Variants in SNX2 observed in about 807,000 individuals in gnomAD.
SNX2 encodes sorting nexin 2.
SNX2 carries 25 observed loss-of-function variants against 69.9 expected under a neutral mutation model. That is an observed-to-expected ratio of 0.36 (90% confidence interval 0.26 to 0.50). SNX2 has a LOEUF of 0.50. SNX2 is among the 20% of genes least tolerant of loss of function. The pLI, the probability that SNX2 is intolerant of heterozygous loss-of-function variation, is 0.97. For missense variants in SNX2, 551 were observed against 613.3 expected (o/e 0.90, Z 1.07); for synonymous variants, 229 against 200.4 (o/e 1.14, Z -1.20).
chr5:122,811,636 C>T (rs1197037725), intron 7 of SNX2, among the ~76,000 whole-genome samples: 2 of 151,910 alleles, frequency 1.3e-5, no homozygotes, highest in African/African-American at 4.8e-5. Flanking sequence ...TCAAGACCAT[C>T]CTGGCCAACA....
At chr5:122,817,749 TA>T (rs1043076977) in intron 10 of SNX2, among the ~76,000 whole-genome samples, 6 of 152,202 alleles carry the variant, frequency 3.9e-5, no homozygotes, top group African/African-American at 1.2e-4. Context: ...TTGATTATAA[TA>T]AAAAAACTTG....
At chr5:122,784,335 G>GT (rs564640383) in intron 1 of SNX2, among the ~76,000 whole-genome samples, 20 of 150,734 alleles carry the variant, frequency 1.3e-4, no homozygotes, top group African/African-American at 4.1e-4. Flanking sequence ...TATCTGTAAG[G>GT]TTTTTTGTTT....
At chr5:122,786,431 CTTTATG>C (rs1753090627) in intron 1 of SNX2, among the ~76,000 whole-genome samples, 1 of 151,688 alleles carries the variant, frequency 6.6e-6, no homozygotes, top group Non-Finnish European at 1.5e-5. Context: ...TTGTGGATTA[CTTTATG>C]TTTATTAGTA....
chr5:122,801,605 TAA>T (rs34058769), intron 3 of SNX2, among the ~76,000 whole-genome samples: 118 of 123,656 alleles, frequency 9.5e-4, no homozygotes, highest in Middle Eastern at 4.4e-3. Context: ...ACTCTATCTT[TAA>T]AAAAAAAAAA....
chr5:122,809,441 A>G (rs540062958), intron 7 of SNX2, among the ~76,000 whole-genome samples: 87 of 152,352 alleles, frequency 5.7e-4, no homozygotes, highest in African/African-American at 2.0e-3. Flanking sequence ...AAAGGGGGAC[A>G]GATGGGAGGA....
At position 122,829,730 on chromosome 5, in the gene SNX2, CTAAA is replaced by C; in HGVS notation, c.*87_*90del. The C allele has an allele frequency of 1.9e-6, 2 of 1,030,450 alleles. No homozygotes were observed. The highest frequency in any genetic ancestry group is 2.1e-4 in the Middle Eastern group (1 of 4,824). The allele number at this position is 1,030,450 out of a possible 1,614,324, so 63.8% of individuals were successfully genotyped here. A position where few individuals can be genotyped will look rare whatever the true frequency, so the allele number is the denominator to read the frequency against. On this transcript the variant is annotated 3_prime_UTR_variant, in exon 15 of 15. Coordinates refer to ENST00000379516, the MANE Select transcript of SNX2 (RefSeq NM_003100.4). Reference sequence around the variant, plus strand: ...CCACAGTGAAATCATTTAAAACCATCTAAATAAACCACTATATATTTTATGAATT... The same window carrying C: ...CCACAGTGAAATCATTTAAAACCATCTAAACCACTATATATTTTATGAATT...
At chr5:122,826,236 G>T in intron 12 of SNX2, 43 bp downstream of exon 12, 1 of 1,559,276 alleles carries the variant, frequency 6.4e-7, no homozygotes, top group African/African-American at 1.4e-5. Context: ...AGTTTTGCAT[G>T]AGTCATTCAT....
At chr5:122,825,487 A>T (rs1365566237) in intron 11 of SNX2, among the ~76,000 whole-genome samples, 1 of 152,046 alleles carries the variant, frequency 6.6e-6, no homozygotes, top group Non-Finnish European at 1.5e-5. Flanking sequence ...AAATATATAT[A>T]GTCCTCTTCA....
At position 122,829,663 on chromosome 5, in the gene SNX2, C is replaced by T. The variant is rs1326537264; in HGVS notation, c.*15C>T. The T allele has an allele frequency of 6.2e-7, 1 of 1,609,428 alleles. No homozygotes were observed. Among genetic ancestry groups the T allele is most frequent in the Admixed American group, 1.7e-5 (1 of 59,960 alleles). On this transcript the variant is annotated 3_prime_UTR_variant, in exon 15 of 15. Coordinates refer to ENST00000379516, the MANE Select transcript of SNX2 (RefSeq NM_003100.4). ...CCATTGCCTAGCAATAAGATTGTTG[C>T]CGTTAAGAAGACCTTGGATGTTGTT... is the stretch of plus-strand genomic sequence containing the variant.
intron 6 of SNX2, among the ~76,000 whole-genome samples, chr5:122,804,557 C>T (rs1485463901): frequency 2.6e-5 from 4 of 151,918 alleles, no homozygotes; most frequent in African/African-American, 4.8e-5. Flanking sequence ...TTAGTATAGA[C>T]GGGGTTTCAC....
intron 11 of SNX2, among the ~76,000 whole-genome samples, chr5:122,820,169 G>A (rs968760701): frequency 6.6e-6 from 1 of 152,152 alleles, no homozygotes; most frequent in African/African-American, 2.4e-5. Flanking sequence ...AATAGCATGA[G>A]ACCTGTTGTA....
chr5:122,804,816 T>G (rs1753599935), intron 6 of SNX2, among the ~76,000 whole-genome samples: 1 of 152,220 alleles, frequency 6.6e-6, no homozygotes. Context: ...GTCATAGGTT[T>G]TTATTTACCT....
Position 122,801,652 on chromosome 5 carries a change from C to CGTGTGTGTGTGTGTGTGT in SNX2, c.391-196_391-179dup, listed in dbSNP as rs61189602. Among the ~76,000 whole-genome samples, 241 of 132,114 alleles carry CGTGTGTGTGTGTGTGTGT rather than the reference C, an allele frequency of 1.8e-3. 2 individuals carry two copies. Among genetic ancestry groups the CGTGTGTGTGTGTGTGTGT allele is most frequent in the African/African-American group, 6.0e-3 (201 of 33,644 alleles). 86.7% of individuals were successfully genotyped at this position (132,114 alleles called of 152,430 possible). On this transcript the variant is annotated intron_variant, in intron 3 of 14. Coordinates refer to ENST00000379516, the MANE Select transcript of SNX2 (RefSeq NM_003100.4). ...TGTTACTTCTCCAAATGGTCTTTTT[C>CGTGTGTGTGTGTGTGTGT]GTGTGTGTGTGTGTGTGTGTGTGTG... is the stretch of plus-strand genomic sequence containing the variant.
At chr5:122,811,825 C>CTAAATAAATAAATAAATAAATAAA (rs376912042) in intron 7 of SNX2, among the ~76,000 whole-genome samples, 39 of 132,018 alleles carry the variant, frequency 3.0e-4, no homozygotes, top group East Asian at 1.8e-3. Context: ...GACTCCGTCT[C>CTAAATAAATAAATAAATAAATAAA]TAAATAAATA....
chr5:122,813,668 C>T (rs1581641378), intron 7 of SNX2, among the ~76,000 whole-genome samples: 1 of 151,196 alleles, frequency 6.6e-6, no homozygotes, highest in Admixed American at 6.6e-5. Context: ...TGGAATAGTA[C>T]GTGAGACTAG....
At chr5:122,785,868 A>G (rs1000691290) in intron 1 of SNX2, among the ~76,000 whole-genome samples, 4 of 152,116 alleles carry the variant, frequency 2.6e-5, no homozygotes, top group Non-Finnish European at 5.9e-5. Context: ...TGTTGGGTGG[A>G]GTGTCGTACA....
intron 1 of SNX2, among the ~76,000 whole-genome samples, chr5:122,787,709 C>T (rs1224169334): frequency 6.6e-6 from 1 of 152,080 alleles, no homozygotes; most frequent in Non-Finnish European, 1.5e-5. Flanking sequence ...TTGTGCGGTC[C>T]ACTCTTGGGC....
intron 6 of SNX2, among the ~76,000 whole-genome samples, chr5:122,804,955 T>G (rs1377510726): frequency 6.6e-6 from 1 of 152,132 alleles, no homozygotes; most frequent in African/African-American, 2.4e-5. Context: ...TTTTTTGTTT[T>G]TTGAGACGGA....
At chr5:122,813,767 CTTTTTTTTTTTT>C (rs546503535) in intron 7 of SNX2, among the ~76,000 whole-genome samples, 1 of 115,364 alleles carries the variant, frequency 8.7e-6, no homozygotes, top group African/African-American at 3.3e-5. Context: ...AGAATATTTC[CTTTTTTTTTTTT>C]TTTTTTTTTT....
Sources: allele counts gnomAD v4.1 joint callset (sites outside exome capture counted in the v4.1 genomes callset), GRCh38; gene constraint gnomAD v4.1.1; transcripts MANE v1.5; gene names NCBI Gene and HGNC (gene_info 2026-07-23, HGNC 2026-07-21).